The following SCMH1 variants were observed in gnomAD, a reference collection of about 807,000 sequenced individuals.
The protein encoded by SCMH1 is Scm polycomb group protein homolog 1.
Under a neutral mutation model 70.8 loss-of-function variants are expected in SCMH1, and 37 were observed. The observed-to-expected ratio is 0.52, with a 90% confidence interval of 0.40 to 0.69. SCMH1 has a LOEUF of 0.69. Among genes scored for constraint, SCMH1 ranks in the 30% least tolerant of loss-of-function variants. The pLI, the probability that SCMH1 is intolerant of heterozygous loss-of-function variation, is 0.00. For missense variants in SCMH1, 607 were observed against 827.3 expected, an observed-to-expected ratio of 0.73 and a Z score of 3.27; for synonymous variants, 292 against 307.4, an observed-to-expected ratio of 0.95 and a Z score of 0.52.
At chr1:41,215,236 G>A (rs1317942260) in intron 1 of SCMH1, among the ~76,000 whole-genome samples, 1 of 152,036 alleles carries the variant, frequency 6.6e-6, no homozygotes, top group Non-Finnish European at 1.5e-5. Flanking sequence ...TTTCTAATTG[G>A]TCTCTCTCCA....
At chr1:41,191,090 G>A (rs1651609517) in intron 1 of SCMH1, among the ~76,000 whole-genome samples, 1 of 152,182 alleles carries the variant, frequency 6.6e-6, no homozygotes, top group East Asian at 1.9e-4. Context: ...ATCCAGGCTG[G>A]TCTTGAACTC....
chr1:41,157,719 C>T (rs1248085668), intron 4 of SCMH1, among the ~76,000 whole-genome samples: 11 of 152,168 alleles, frequency 7.2e-5, no homozygotes, highest in East Asian at 1.9e-4. Flanking sequence ...CATATCTTTG[C>T]CCATGTTACT....
chr1:41,113,205 G>GAT lies in SCMH1; in HGVS notation c.745+76_745+77dup, dbSNP rs1423967167. 3 of 1,528,546 alleles carry GAT rather than the reference G, an allele frequency of 2.0e-6. No individual in the cohort carries two copies. The Admixed American group carries it at 6.0e-5, about 31-fold the overall frequency. 94.7% of individuals were successfully genotyped at this position (1,528,546 alleles called of 1,614,324 possible). A position where few individuals can be genotyped will look rare whatever the true frequency, so the allele number is the denominator to read the frequency against. ...CATACTAGTGAAGTATACTGGTGAAGATATGATCATGACAGCCCTGGGTAG... is the reference window on the plus strand; with the variant it reads ...CATACTAGTGAAGTATACTGGTGAAGATATATGATCATGACAGCCCTGGGTAG... On this transcript the variant is annotated intron_variant, in intron 8 of 14. Coordinates refer to ENST00000337495, the Ensembl canonical transcript of SCMH1. This position sits in a 1 kb window ranked among gnomAD's most constrained non-coding sequence, Gnocchi z 4.3.
intron 8 of SCMH1, among the ~76,000 whole-genome samples, chr1:41,084,432 A>G (rs1660966876): frequency 6.6e-6 from 1 of 152,216 alleles, no homozygotes; most frequent in African/African-American, 2.4e-5. Context: ...ATGAGATACC[A>G]TCTCACACCA....
chr1:41,214,183 G>A (rs1462299172), intron 1 of SCMH1, among the ~76,000 whole-genome samples: 2 of 152,022 alleles, frequency 1.3e-5, no homozygotes, highest in East Asian at 3.9e-4. Context: ...TTAAGCCTGA[G>A]ATAAAAATCT....
chr1:41,241,485 G>A (rs531671919), intron 1 of SCMH1, among the ~76,000 whole-genome samples: 1 of 152,260 alleles, frequency 6.6e-6, no homozygotes, highest in South Asian at 2.1e-4. Context: ...CCGGGCCCTA[G>A]GCGCCCCAGC....
intron 1 of SCMH1, among the ~76,000 whole-genome samples, chr1:41,199,785 C>G (rs1469553634): frequency 6.6e-6 from 1 of 152,080 alleles, no homozygotes; most frequent in Non-Finnish European, 1.5e-5. Flanking sequence ...TGTTCACTAT[C>G]TGGGTGATGA....
At chr1:41,193,991 A>G (rs1652387843) in intron 1 of SCMH1, among the ~76,000 whole-genome samples, 1 of 152,170 alleles carries the variant, frequency 6.6e-6, no homozygotes, top group Middle Eastern at 3.2e-3. Flanking sequence ...TTCTGATACT[A>G]ATTACGAACT....
intron 1 of SCMH1, among the ~76,000 whole-genome samples, chr1:41,227,332 ACCT>A (rs1557871002): frequency 1.3e-5 from 2 of 152,172 alleles, no homozygotes; most frequent in South Asian, 4.1e-4. Flanking sequence ...CTAAAAAATC[ACCT>A]CCTCGTAGAG....
chr1:41,065,794 A>G (rs1654391391), intron 10 of SCMH1, among the ~76,000 whole-genome samples: 1 of 152,110 alleles, frequency 6.6e-6, no homozygotes, highest in African/African-American at 2.4e-5. Context: ...CAGAACCTAC[A>G]CTCTTGAAAA....
At chr1:41,106,095 G>T (rs547502097) in intron 8 of SCMH1, among the ~76,000 whole-genome samples, 1 of 151,704 alleles carries the variant, frequency 6.6e-6, no homozygotes, top group South Asian at 2.1e-4. Flanking sequence ...GGCTGGTCTC[G>T]AACTCCTGAC....
chr1:41,233,018 G>A (rs1248400525), intron 1 of SCMH1, among the ~76,000 whole-genome samples: 3 of 152,050 alleles, frequency 2.0e-5, no homozygotes, highest in Non-Finnish European at 4.4e-5. Flanking sequence ...TTTGACCCTC[G>A]ACAAACAAGT....
chr1:41,213,050 C>T (rs760457807), intron 1 of SCMH1, among the ~76,000 whole-genome samples: 12 of 151,554 alleles, frequency 7.9e-5, no homozygotes, highest in South Asian at 2.1e-4. Flanking sequence ...TGTAGGAACA[C>T]GAATAGTACA....
intron 10 of SCMH1, among the ~76,000 whole-genome samples, chr1:41,069,442 G>C (rs183167509): frequency 6.6e-6 from 1 of 152,272 alleles, no homozygotes; most frequent in East Asian, 1.9e-4. Flanking sequence ...GGGATACGAG[G>C]TATGTTTGTT....
intron 13 of SCMH1, 39 bp downstream of exon 14, chr1:41,033,944 C>G (rs761163853): frequency 1.9e-6 from 3 of 1,613,146 alleles, no homozygotes; most frequent in Non-Finnish European, 2.5e-6. Flanking sequence ...AGAAACAGGG[C>G]CTTGGGGAAG....
chr1:41,160,997 G>C, intron 3 of SCMH1, 99 bp from the exon 4 acceptor site: 1 of 1,177,066 alleles, frequency 8.5e-7, no homozygotes, highest in South Asian at 1.3e-5. Flanking sequence ...TCGAGTATTT[G>C]TCTAGTTCAG....
chr1:41,033,961 A>AT lies in SCMH1; in HGVS notation c.1678+3400dup, dbSNP rs1313351612. 3 of 1,613,762 alleles carry AT rather than the reference A, an allele frequency of 1.9e-6. No homozygotes were observed. In the African/African-American group the frequency reaches 4.0e-5, roughly 22 times the overall value. ...AAACAGGGCCTTGGGGAAGATAAAA[A>AT]TAACAGTAACTCCCCTCATACCTGG... On this transcript the variant is annotated intron_variant, in intron 13 of 14. Coordinates refer to ENST00000337495, the Ensembl canonical transcript of SCMH1.
intron 6 of SCMH1, among the ~76,000 whole-genome samples, chr1:41,137,999 T>C (rs1261501916): frequency 1.3e-5 from 2 of 152,230 alleles, no homozygotes; most frequent in Admixed American, 6.5e-5. Flanking sequence ...TACACTATTC[T>C]ACCCTTGTCC....
chr1:41,113,012 GA>G lies in SCMH1; in HGVS notation c.745+270del. Among the ~76,000 whole-genome samples the G allele has an allele frequency of 6.6e-6, 1 of 152,338 alleles. No homozygotes were observed. The highest frequency in any genetic ancestry group is 2.1e-4 in the South Asian group (1 of 4,832). On this transcript the variant is annotated intron_variant, in intron 8 of 14. Transcript: ENST00000337495. This position sits in a 1 kb window ranked among gnomAD's most constrained non-coding sequence, Gnocchi z 4.3. The stretch of plus-strand genomic sequence containing the variant: ...GGTTAGGGACAAAAGTAAGAGAGAT[GA>G]AAAGCTGGTTGCCTGAGAATAAACC...
Sources: gnomAD v4.1 joint callset for allele counts (sites outside exome capture counted in the v4.1 genomes callset) on GRCh38, gnomAD v4.1.1 for gene constraint, Gnocchi (gnomAD v3.1) non-coding constraint, MANE v1.5 for transcripts, NCBI Gene and HGNC (gene_info 2026-07-23, HGNC 2026-07-21) for gene names.